Variants in SAMD12 observed in about 807,000 individuals in gnomAD.
SAMD12 encodes sterile alpha motif domain-containing protein 12.
In SAMD12, 9 loss-of-function variants were observed where a neutral mutation model predicts 15.0. The observed-to-expected ratio is 0.60, with a 90% confidence interval of 0.36 to 1.05. The LOEUF (loss-of-function observed/expected upper bound fraction) is 1.05, where lower values mean the gene tolerates loss of function less well. Among genes scored for constraint, SAMD12 ranks in the 50% least tolerant of loss-of-function variants. The pLI, the probability that SAMD12 is intolerant of heterozygous loss-of-function variation, is 0.01. For synonymous variants in SAMD12, 86 were observed against 90.1 expected (o/e 0.96, Z 0.25); for missense variants, 230 against 234.2 (o/e 0.98, Z 0.12).
At chr8:118,564,458 G>A (rs1826794005) in intron 2 of SAMD12, among the ~76,000 whole-genome samples, 1 of 152,128 alleles carries the variant, frequency 6.6e-6, no homozygotes, top group South Asian at 2.1e-4. Flanking sequence ...AACAATTGCT[G>A]GGACCCAGGA....
chr8:118,197,375 C>T (rs968078043), exon 5 of SAMD12: 7 of 375,556 alleles, frequency 1.9e-5, no homozygotes, highest in Admixed American at 8.3e-5. Context: ...CATGCTAAAA[C>T]AGGACTTCTA....
chr8:118,304,084 G>A (rs1372359803), intron 4 of SAMD12, among the ~76,000 whole-genome samples: 4 of 152,076 alleles, frequency 2.6e-5, no homozygotes, highest in East Asian at 3.9e-4. Context: ...TTGTGGGCCC[G>A]GGTTCTCCGC....
Position 118,549,864 on chromosome 8 carries a change from A to G in SAMD12, c.192+30851T>C, listed in dbSNP as rs865951982. 5.3e-5 allele frequency among the ~76,000 whole-genome samples: 8 copies of G among 152,366 alleles called. No homozygotes were observed. In the South Asian group the frequency reaches 1.7e-3, roughly 32 times the overall value. On this transcript the variant is annotated intron_variant, in intron 2 of 3. Coordinates refer to ENST00000314727, the MANE Select transcript of SAMD12 (RefSeq NM_207506.3). ...TGATGGAGCTGAAAGCCAAGGCTCC[A>G]GAACTACATGAAGAATGCAGAAGCC...
chr8:118,519,881 C>T (rs1586782897), intron 2 of SAMD12, among the ~76,000 whole-genome samples: 1 of 152,108 alleles, frequency 6.6e-6, no homozygotes, highest in East Asian at 1.9e-4. Context: ...AATAAAGCCA[C>T]AGCAACATTA....
At chr8:118,281,708 T>C (rs578229112) in intron 4 of SAMD12, among the ~76,000 whole-genome samples, 2 of 152,186 alleles carry the variant, frequency 1.3e-5, no homozygotes, top group African/African-American at 4.8e-5. Flanking sequence ...TGAGACAAGA[T>C]GGTAGAGTGC....
intron 3 of SAMD12, among the ~76,000 whole-genome samples, chr8:118,383,635 T>G (rs1375320120): frequency 6.6e-6 from 1 of 152,020 alleles, no homozygotes; most frequent in Non-Finnish European, 1.5e-5. Flanking sequence ...CAACTCAATC[T>G]CAAACAAGAA....
intron 2 of SAMD12, among the ~76,000 whole-genome samples, chr8:118,478,013 CAAAA>C (rs10629817): frequency 2.3e-5 from 2 of 88,260 alleles, no homozygotes; most frequent in African/African-American, 8.7e-5. Flanking sequence ...GACCCTGTCT[CAAAA>C]AAAAAAAAAA....
chr8:118,333,110 A>G (rs116504702), intron 4 of SAMD12, among the ~76,000 whole-genome samples: 125 of 152,226 alleles, frequency 8.2e-4, no homozygotes, highest in African/African-American at 2.9e-3. Context: ...GGCTTTTCTG[A>G]GTTGATTTAC....
intron 2 of SAMD12, among the ~76,000 whole-genome samples, chr8:118,580,343 A>G (rs539753938): frequency 1.3e-5 from 2 of 152,280 alleles, no homozygotes; most frequent in African/African-American, 2.4e-5. Context: ...CTGATGAGAG[A>G]AGTCATTTTA....
chr8:118,314,336 A>C (rs1051469274), intron 4 of SAMD12, among the ~76,000 whole-genome samples: 1 of 152,176 alleles, frequency 6.6e-6, no homozygotes, highest in African/African-American at 2.4e-5. Flanking sequence ...GTTTCAGATA[A>C]GTGTACAGGG....
intron 2 of SAMD12, among the ~76,000 whole-genome samples, chr8:118,579,299 T>C (rs1586832740): frequency 6.6e-6 from 1 of 152,140 alleles, no homozygotes; most frequent in East Asian, 1.9e-4. Context: ...CCTTAAGGCG[T>C]TTTTTCCTGG....
chr8:118,536,803 ACAC>A (rs1273308715), intron 2 of SAMD12, among the ~76,000 whole-genome samples: 7 of 152,318 alleles, frequency 4.6e-5, no homozygotes, highest in Non-Finnish European at 8.8e-5. Flanking sequence ...ATGAGCTTAT[ACAC>A]CACAATTACA....
intron 3 of SAMD12, among the ~76,000 whole-genome samples, chr8:118,393,932 C>T (rs1393270410): frequency 6.6e-6 from 1 of 152,090 alleles, no homozygotes; most frequent in African/African-American, 2.4e-5. Flanking sequence ...GATCACAAAG[C>T]CCATAACTGT....
At chr8:118,155,347 G>C in the SAMD12 span, among the ~76,000 whole-genome samples, 1 of 152,166 alleles carries the variant, frequency 6.6e-6, no homozygotes, top group African/African-American at 2.4e-5. Flanking sequence ...GAACGTGCTC[G>C]ATGAACAGTG....
At chr8:118,428,548 T>C (rs1248038706) in intron 3 of SAMD12, among the ~76,000 whole-genome samples, 2 of 152,232 alleles carry the variant, frequency 1.3e-5, no homozygotes, top group Non-Finnish European at 2.9e-5. Flanking sequence ...TTTTCTCTTA[T>C]GCTTCCTTCT....
chr8:118,502,072 G>A (rs1428687036), intron 2 of SAMD12, among the ~76,000 whole-genome samples: 1 of 151,966 alleles, frequency 6.6e-6, no homozygotes, highest in African/African-American at 2.4e-5. Context: ...GGGCTAGGGT[G>A]GGGGCCAAGC....
chr8:118,248,206 T>C (rs559619749), intron 4 of SAMD12, among the ~76,000 whole-genome samples: 1 of 152,272 alleles, frequency 6.6e-6, no homozygotes, highest in South Asian at 2.1e-4. Flanking sequence ...ACCCCAAATA[T>C]AGCCTGATTT....
At chr8:118,255,713 C>T (rs1167889468) in intron 4 of SAMD12, among the ~76,000 whole-genome samples, 1 of 151,642 alleles carries the variant, frequency 6.6e-6, no homozygotes, top group Non-Finnish European at 1.5e-5. Context: ...CATAGTATTC[C>T]ATGGTGTATA....
chr8:118,247,425 C>T (rs935739354), intron 4 of SAMD12, among the ~76,000 whole-genome samples: 10 of 151,742 alleles, frequency 6.6e-5, no homozygotes, highest in South Asian at 4.2e-4. Flanking sequence ...TAAATGTTCT[C>T]GCTATAAAGA....
Sources: gnomAD v4.1 joint callset for allele counts (sites outside exome capture counted in the v4.1 genomes callset) on GRCh38, gnomAD v4.1.1 for gene constraint, MANE v1.5 for transcripts, NCBI Gene and HGNC (gene_info 2026-07-23, HGNC 2026-07-21) for gene names.